The following SNTB2 variants were observed in gnomAD, a reference collection of about 807,000 sequenced individuals.
SNTB2 encodes beta-2-syntrophin.
SNTB2 carries 34 observed loss-of-function variants against 46.2 expected under a neutral mutation model. The ratio of observed to expected loss-of-function variants is 0.74; its 90% confidence interval spans 0.56 to 0.98. The LOEUF is 0.98. Ranked by LOEUF, SNTB2 falls within the 50% of genes least tolerant of loss-of-function variation. The pLI, the probability that SNTB2 is intolerant of heterozygous loss-of-function variation, is 0.00. For synonymous variants in SNTB2, 290 were observed against 312.6 expected, an observed-to-expected ratio of 0.93 and a Z score of 0.76; for missense variants, 603 against 731.4, an observed-to-expected ratio of 0.82 and a Z score of 2.02.
intron 1 of SNTB2, among the ~76,000 whole-genome samples, chr16:69,236,644 A>G (rs1964562745): frequency 6.6e-6 from 1 of 151,962 alleles, no homozygotes; most frequent in Admixed American, 6.6e-5. Context: ...TTAAAATAGT[A>G]AACTTTATGT....
At chr16:69,227,841 ATTTTT>A (rs60387965) in intron 1 of SNTB2, among the ~76,000 whole-genome samples, 1 of 115,912 alleles carries the variant, frequency 8.6e-6, no homozygotes, top group African/African-American at 3.3e-5. Flanking sequence ...GTTTCTCTGG[ATTTTT>A]TTTTTTTTTT....
intron 1 of SNTB2, among the ~76,000 whole-genome samples, chr16:69,221,315 T>C (rs1354267563): frequency 6.6e-6 from 1 of 152,184 alleles, no homozygotes; most frequent in East Asian, 1.9e-4. Flanking sequence ...AAATGCTTGA[T>C]ACATGATTTT....
intron 5 of SNTB2, among the ~76,000 whole-genome samples, chr16:69,292,377 T>TAA (rs1965171804): frequency 2.6e-5 from 1 of 38,864 alleles, no homozygotes; most frequent in African/African-American, 1.1e-4. Flanking sequence ...TATATATATA[T>TAA]ATTATATATA....
intron 3 of SNTB2, among the ~76,000 whole-genome samples, chr16:69,269,228 C>G (rs888183185): frequency 6.6e-6 from 1 of 151,110 alleles, no homozygotes; most frequent in Non-Finnish European, 1.5e-5. Context: ...TTAAAAAATA[C>G]GATAGATGGG....
chr16:69,288,449 A>C (rs1965127238), intron 5 of SNTB2, among the ~76,000 whole-genome samples: 1 of 152,284 alleles, frequency 6.6e-6, no homozygotes, highest in East Asian at 1.9e-4. Flanking sequence ...GTATTTTTTT[A>C]AATCAACTTC....
intron 1 of SNTB2, among the ~76,000 whole-genome samples, chr16:69,233,098 C>T (rs1468754607): frequency 6.6e-6 from 1 of 152,130 alleles, no homozygotes; most frequent in Non-Finnish European, 1.5e-5. Context: ...TCTTAGAAAT[C>T]TGGGAGACAC....
In SNTB2 at chr16:69,304,058, G is replaced by A. The variant is rs1278916180; in HGVS notation, c.*3134G>A. 2.6e-5 allele frequency: 4 copies of A among 151,876 alleles called. No homozygotes were observed. Among genetic ancestry groups the A allele is most frequent in the African/African-American group, 9.7e-5 (4 of 41,310 alleles). 9.4% of individuals were successfully genotyped at this position (151,876 alleles called of 1,614,324 possible). On this transcript the variant is annotated 3_prime_UTR_variant, in exon 7 of 7. Coordinates refer to ENST00000336278, the MANE Select transcript of SNTB2 (RefSeq NM_006750.4). ...CACAGATGCCTAGGAGCAGCGAGTT[G>A]GTATATGAAAAGTCTCCCACCTTTT...
intron 1 of SNTB2, among the ~76,000 whole-genome samples, chr16:69,218,483 A>T (rs192196283): frequency 6.7e-6 from 1 of 150,080 alleles, no homozygotes; most frequent in East Asian, 2.0e-4. Flanking sequence ...GTGCAGTGGC[A>T]CGATCTCGGC....
At chr16:69,208,619 C>A (rs560743508) in intron 1 of SNTB2, among the ~76,000 whole-genome samples, 1 of 152,092 alleles carries the variant, frequency 6.6e-6, no homozygotes, top group African/African-American at 2.4e-5. Flanking sequence ...TTGCCAGAGG[C>A]ACAGAATTAA....
At chr16:69,221,773 C>G (rs1490331218) in intron 1 of SNTB2, among the ~76,000 whole-genome samples, 2 of 152,072 alleles carry the variant, frequency 1.3e-5, no homozygotes, top group Admixed American at 1.3e-4. Context: ...AAGACTCTCT[C>G]TCAAAAAAAG....
intron 2 of SNTB2, among the ~76,000 whole-genome samples, chr16:69,258,232 C>T (rs1597189613): frequency 6.6e-6 from 1 of 152,264 alleles, no homozygotes; most frequent in South Asian, 2.1e-4. Context: ...CCATGAAAAA[C>T]ACTAAAGGCT....
chr16:69,209,505 C>T (rs1964257800), intron 1 of SNTB2, among the ~76,000 whole-genome samples: 1 of 152,228 alleles, frequency 6.6e-6, no homozygotes, highest in South Asian at 2.1e-4. Context: ...AAATACTCTG[C>T]TTTATGGTAA....
At chr16:69,290,745 A>G (rs569291150) in intron 5 of SNTB2, among the ~76,000 whole-genome samples, 1 of 152,348 alleles carries the variant, frequency 6.6e-6, no homozygotes, top group African/African-American at 2.4e-5. Flanking sequence ...TAAATGAAAT[A>G]CAGGCATCAT....
chr16:69,297,347 C>T (rs578254032), intron 5 of SNTB2, among the ~76,000 whole-genome samples: 7 of 145,968 alleles, frequency 4.8e-5, no homozygotes, highest in African/African-American at 1.3e-4. Context: ...AGGCCGGGCA[C>T]GGTGGCTCAT....
chr16:69,235,642 A>G, intron 1 of SNTB2: 8 of 1,198,120 alleles, frequency 6.7e-6, no homozygotes, highest in Non-Finnish European at 8.5e-6. Flanking sequence ...GGGAGCAGAA[A>G]GAAAGAAAAC....
chr16:69,193,437 TC>T (rs1964073805), intron 1 of SNTB2, among the ~76,000 whole-genome samples: 2 of 147,200 alleles, frequency 1.4e-5, no homozygotes, highest in Admixed American at 1.4e-4. Context: ...CAAGAAATTC[TC>T]CTGCCTCGGC....
intron 3 of SNTB2, among the ~76,000 whole-genome samples, chr16:69,265,268 C>G (rs907270765): frequency 3.3e-5 from 5 of 152,090 alleles, no homozygotes; most frequent in Admixed American, 3.3e-4. Context: ...AAAGGCAAGA[C>G]AACCAAGGAA....
At chr16:69,249,798 A>G (rs1238596986) in intron 2 of SNTB2, among the ~76,000 whole-genome samples, 4 of 152,132 alleles carry the variant, frequency 2.6e-5, no homozygotes, top group African/African-American at 9.7e-5. Flanking sequence ...TTCTAATTTT[A>G]CTTAAGATAT....
Position 69,299,610 on chromosome 16 carries a change from G to T in SNTB2, c.1366G>T (p.Glu456Ter). 1.9e-6 allele frequency: 3 copies of T among 1,614,078 alleles called. No homozygotes were observed. The highest frequency in any genetic ancestry group is 2.5e-6 in the Non-Finnish European group (3 of 1,179,976). ...VSLGCMLNGQEVRLTIHYENG... is the reference protein window; with the variant it reads ...VSLGCMLNGQ ...AACAGGCTGCATGTTAAATGGCCAA[G>T]AGGTGAGGCTTACTATTCACTATGA... is the stretch of plus-strand genomic sequence containing the variant. Residue 456 changes from glutamate (E) to a stop codon, truncating the protein, a stop_gained, in exon 6 of 7, where the codon GAG becomes TAG. Transcript: ENST00000336278. LOFTEE classifies it high-confidence loss of function.
Sources: gnomAD v4.1 joint callset for allele counts (sites outside exome capture counted in the v4.1 genomes callset) on GRCh38, gnomAD v4.1.1 for gene constraint, MANE v1.5 for transcripts, NCBI Gene and HGNC (gene_info 2026-07-23, HGNC 2026-07-21) for gene names.